Variants in RPS6KC1 observed in about 807,000 individuals in gnomAD.
The protein encoded by RPS6KC1 is inactive ribosomal protein S6 kinase delta-1.
A neutral mutation model predicts 103.8 loss-of-function variants in RPS6KC1; 54 were observed. The ratio of observed to expected loss-of-function variants is 0.52; its 90% CI spans 0.42 to 0.65. The LOEUF (loss-of-function observed/expected upper bound fraction) is 0.65. Ranked by LOEUF, RPS6KC1 falls within the 30% of genes least tolerant of loss-of-function variation. The pLI is 0.00. For synonymous variants in RPS6KC1, 439 were observed against 438.7 expected, an observed-to-expected ratio of 1.00 and a Z score of -0.01; for missense variants, 1,151 against 1,253.8, an observed-to-expected ratio of 0.92 and a Z score of 1.24.
the RPS6KC1 span, among the ~76,000 whole-genome samples, chr1:213,646,941 A>G: frequency 8.6e-5 from 13 of 151,826 alleles, no homozygotes; most frequent in African/African-American, 3.1e-4. Context: ...TCTGTTGCCC[A>G]GGCTGGAGTG....
At chr1:213,424,398 G>A in the RPS6KC1 span, among the ~76,000 whole-genome samples, 1 of 152,266 alleles carries the variant, frequency 6.6e-6, no homozygotes. Flanking sequence ...TGGCAGGGAG[G>A]GAGAGGGGAA....
chr1:213,152,164 A>G (rs1255468291), intron 6 of RPS6KC1, among the ~76,000 whole-genome samples: 13 of 105,842 alleles, frequency 1.2e-4, no homozygotes, highest in South Asian at 3.5e-4. Flanking sequence ...TGGACGGGGC[A>G]GCTGGCCGGG....
At chr1:213,842,515 T>C in the RPS6KC1 span, among the ~76,000 whole-genome samples, 1 of 152,122 alleles carries the variant, frequency 6.6e-6, no homozygotes, top group African/African-American at 2.4e-5. Context: ...CTTAAAATAA[T>C]ATAAAAAGGT....
chr1:213,652,906 T>C, the RPS6KC1 span, among the ~76,000 whole-genome samples: 2 of 152,212 alleles, frequency 1.3e-5, no homozygotes, highest in African/African-American at 2.4e-5. Context: ...TTCTGAGCCA[T>C]GAAGTTTTGA....
the RPS6KC1 span, among the ~76,000 whole-genome samples, chr1:213,594,149 G>A: frequency 4.0e-3 from 609 of 152,250 alleles, 6 homozygotes; most frequent in African/African-American, 0.014. Flanking sequence ...ACAGGTGTGA[G>A]CCACCATGCC....
At chr1:213,152,433 A>G (rs2089266731) in intron 6 of RPS6KC1, among the ~76,000 whole-genome samples, 1 of 142,532 alleles carries the variant, frequency 7.0e-6, no homozygotes, top group Non-Finnish European at 1.5e-5. Flanking sequence ...GACGCTCCTC[A>G]CTTCCCAGAC....
chr1:213,315,087 AATG>A, the RPS6KC1 span, among the ~76,000 whole-genome samples: 1 of 152,226 alleles, frequency 6.6e-6, no homozygotes, highest in Non-Finnish European at 1.5e-5. Flanking sequence ...AATGATTTTA[AATG>A]ATGTGATAGA....
At chr1:213,616,884 G>A in the RPS6KC1 span, among the ~76,000 whole-genome samples, 9 of 152,146 alleles carry the variant, frequency 5.9e-5, no homozygotes, top group Non-Finnish European at 1.2e-4. Context: ...GCATGATAAA[G>A]GGACCATGGG....
chr1:213,810,813 G>A, the RPS6KC1 span, among the ~76,000 whole-genome samples: 1 of 152,086 alleles, frequency 6.6e-6, no homozygotes, highest in Admixed American at 6.5e-5. Flanking sequence ...TGATATAAAT[G>A]TTACCATCCT....
chr1:213,585,989 C>T, the RPS6KC1 span, among the ~76,000 whole-genome samples: 2 of 152,320 alleles, frequency 1.3e-5, no homozygotes, highest in African/African-American at 4.8e-5. Context: ...TTTCCCTATC[C>T]TGTTCCCCCC....
chr1:213,221,102 C>T (rs1477278183), intron 8 of RPS6KC1, among the ~76,000 whole-genome samples: 4 of 152,050 alleles, frequency 2.6e-5, no homozygotes, highest in Non-Finnish European at 5.9e-5. Context: ...TATCCATAGA[C>T]TGAATAAAAC....
rs1000876818 is a variant in RPS6KC1, at chr1:213,273,002, C to T, written c.*368C>T. ...TGACAGAAGGACCTTTACATGGCAG[C>T]TAACAGTGCTTTTTGCTGACCAGGA... On this transcript the variant is annotated 3_prime_UTR_variant, in exon 15 of 15. Coordinates refer to ENST00000366960, the MANE Select transcript of RPS6KC1 (RefSeq NM_012424.6). 1.2e-5 allele frequency: 2 copies of T among 166,982 alleles called. No individual in the cohort carries two copies. Among genetic ancestry groups the T allele is most frequent in the South Asian group, 3.3e-4 (2 of 6,002 alleles). 10.3% of individuals were successfully genotyped at this position (166,982 alleles called of 1,614,324 possible).
chr1:213,821,567 C>A, the RPS6KC1 span: 1 of 152,186 alleles, frequency 6.6e-6, no homozygotes, highest in Non-Finnish European at 1.5e-5. Flanking sequence ...TTGGTCCTTA[C>A]TTTCTCTCCC....
the RPS6KC1 span, among the ~76,000 whole-genome samples, chr1:213,557,369 C>A: frequency 2.0e-5 from 3 of 152,168 alleles, no homozygotes; most frequent in Admixed American, 1.3e-4. Flanking sequence ...GGCTACAGGG[C>A]AGCTGTTTGT....
At chr1:213,394,787 C>T in the RPS6KC1 span, among the ~76,000 whole-genome samples, 1 of 152,168 alleles carries the variant, frequency 6.6e-6, no homozygotes, top group African/African-American at 2.4e-5. Context: ...CACGCACTCG[C>T]AAGTCTAGGA....
intron 12 of RPS6KC1, among the ~76,000 whole-genome samples, chr1:213,244,908 T>C (rs1167136849): frequency 6.6e-6 from 1 of 152,188 alleles, no homozygotes. Flanking sequence ...TTCCAAGCTT[T>C]GTGAGTTGCA....
the RPS6KC1 span, among the ~76,000 whole-genome samples, chr1:213,617,966 T>C: frequency 6.6e-6 from 1 of 152,236 alleles, no homozygotes; most frequent in Non-Finnish European, 1.5e-5. Flanking sequence ...TGTTTCTTTG[T>C]GGAATTGGTT....
chr1:213,627,206 G>A, the RPS6KC1 span, among the ~76,000 whole-genome samples: 1 of 152,118 alleles, frequency 6.6e-6, no homozygotes, highest in Admixed American at 6.6e-5. Context: ...TGGGAGTTCA[G>A]TCATGATTTC....
chr1:213,141,826 T>C (rs1007986189), intron 6 of RPS6KC1, among the ~76,000 whole-genome samples: 3 of 152,002 alleles, frequency 2.0e-5, no homozygotes, highest in Non-Finnish European at 4.4e-5. Flanking sequence ...GTCGTATCTT[T>C]TTTTTTTTCT....
Sources: gnomAD v4.1 joint callset for allele counts (sites outside exome capture counted in the v4.1 genomes callset) on GRCh38, gnomAD v4.1.1 for gene constraint, MANE v1.5 for transcripts, NCBI Gene and HGNC (gene_info 2026-07-23, HGNC 2026-07-21) for gene names.